KLHL14: variants seen among roughly 807,000 people sequenced by gnomAD.
KLHL14 encodes kelch like family member 14.
KLHL14 carries 22 observed loss-of-function variants against 64.3 expected under a neutral mutation model. The observed-to-expected ratio is 0.34, with a 90% confidence interval of 0.24 to 0.49. KLHL14 has a LOEUF of 0.49. KLHL14 is among the 20% of genes least tolerant of loss of function. KLHL14 has a pLI of 0.99. For missense variants in KLHL14, 661 were observed against 789.0 expected (o/e 0.84, Z 1.94); for synonymous variants, 322 against 333.4 (o/e 0.97, Z 0.37).
intron 3 of KLHL14, among the ~76,000 whole-genome samples, chr18:32,731,268 T>A (rs965595082): frequency 1.2e-4 from 18 of 152,256 alleles, no homozygotes; most frequent in African/African-American, 4.1e-4. Context: ...GTCTTTATTT[T>A]GATGGGGATA....
chr18:32,719,353 G>T (rs1326716917), intron 3 of KLHL14, among the ~76,000 whole-genome samples: 1 of 152,210 alleles, frequency 6.6e-6, no homozygotes, highest in Non-Finnish European at 1.5e-5. Flanking sequence ...TAAAACTTTA[G>T]AATTTTTGAA....
chr18:32,696,530 C>A (rs1229816960), intron 3 of KLHL14, among the ~76,000 whole-genome samples: 2 of 152,128 alleles, frequency 1.3e-5, no homozygotes, highest in Non-Finnish European at 2.9e-5. Context: ...CATATGGGCA[C>A]CTTAAATCTA....
At chr18:32,704,976 G>A (rs1362501983) in intron 3 of KLHL14, among the ~76,000 whole-genome samples, 2 of 152,172 alleles carry the variant, frequency 1.3e-5, no homozygotes, top group Non-Finnish European at 2.9e-5. Flanking sequence ...CAGTGAGAAA[G>A]TGAGGCTTAA....
rs544911670 is a variant in KLHL14, at chr18:32,724,190, G to A, written c.1069+17738C>T. On this transcript the variant is annotated intron_variant, in intron 3 of 8. Coordinates refer to ENST00000359358, the MANE Select transcript of KLHL14 (RefSeq NM_020805.3). ...AAGTCACAAATTCATCAATTATAGC[G>A]TGACCTTGACAGGTCACTTAACCGT... Among the ~76,000 whole-genome samples, 388 of 152,236 alleles carry A rather than the reference G, an allele frequency of 2.5e-3. 2 individuals carry two copies. Among genetic ancestry groups the A allele is most frequent in the African/African-American group, 8.5e-3 (355 of 41,538 alleles).
intron 3 of KLHL14, among the ~76,000 whole-genome samples, chr18:32,726,642 TA>T (rs1244089530): frequency 6.7e-6 from 1 of 150,062 alleles, no homozygotes; most frequent in African/African-American, 2.5e-5. Flanking sequence ...AATAAATAAA[TA>T]AAAATAAAAT....
intron 2 of KLHL14, among the ~76,000 whole-genome samples, chr18:32,745,828 T>A (rs1039519441): frequency 6.6e-6 from 1 of 152,258 alleles, no homozygotes; most frequent in African/African-American, 2.4e-5. Context: ...ATTTATTTGA[T>A]GTGTGTGAAC....
intron 1 of KLHL14, among the ~76,000 whole-genome samples, chr18:32,771,383 C>T (rs1027409348): frequency 7.2e-5 from 11 of 152,194 alleles, no homozygotes; most frequent in African/African-American, 2.2e-4. Context: ...TCAATTCGAG[C>T]TCATTTCCCT....
chr18:32,712,670 C>T (rs768271551), intron 3 of KLHL14, among the ~76,000 whole-genome samples: 1 of 152,110 alleles, frequency 6.6e-6, no homozygotes, highest in Non-Finnish European at 1.5e-5. Flanking sequence ...CTCTTTTTCC[C>T]TTTATATAAA....
At chr18:32,740,354 C>A (rs1319458659) in intron 3 of KLHL14, among the ~76,000 whole-genome samples, 1 of 152,184 alleles carries the variant, frequency 6.6e-6, no homozygotes, top group South Asian at 2.1e-4. Flanking sequence ...TTTAATTCAT[C>A]TTTTTGTCTT....
intron 4 of KLHL14, among the ~76,000 whole-genome samples, chr18:32,692,143 T>C (rs2144482280): frequency 6.6e-6 from 1 of 152,298 alleles, no homozygotes; most frequent in East Asian, 1.9e-4. Context: ...TATATCTGAG[T>C]AGAAAACCTT....
At chr18:32,679,842 G>A (rs1015651772) in intron 7 of KLHL14, among the ~76,000 whole-genome samples, 1 of 152,032 alleles carries the variant, frequency 6.6e-6, no homozygotes, top group Admixed American at 6.6e-5. Context: ...TACAACTTTG[G>A]TGATAAGAAA....
At chr18:32,732,379 A>T (rs1415536669) in intron 3 of KLHL14, among the ~76,000 whole-genome samples, 2 of 152,238 alleles carry the variant, frequency 1.3e-5, no homozygotes, top group African/African-American at 4.8e-5. Flanking sequence ...AATATCTTGC[A>T]TGTGACAAGA....
At chr18:32,705,566 T>C (rs2049986124) in intron 3 of KLHL14, among the ~76,000 whole-genome samples, 2 of 151,744 alleles carry the variant, frequency 1.3e-5, no homozygotes, top group Admixed American at 1.3e-4. Flanking sequence ...CTACTAAAAA[T>C]ACAAAAAGTA....
intron 2 of KLHL14, among the ~76,000 whole-genome samples, chr18:32,758,233 C>T (rs1477523036): frequency 6.6e-6 from 1 of 152,076 alleles, no homozygotes; most frequent in African/African-American, 2.4e-5. Context: ...AGCAGTTTTC[C>T]TGCCTCAGCC....
At chr18:32,742,546 T>A (rs2050204322) in intron 2 of KLHL14, among the ~76,000 whole-genome samples, 1 of 152,184 alleles carries the variant, frequency 6.6e-6, no homozygotes, top group African/African-American at 2.4e-5. Context: ...GTACAATTAG[T>A]AGCACAGGGC....
At chr18:32,730,702 G>A (rs1184583232) in intron 3 of KLHL14, among the ~76,000 whole-genome samples, 1 of 152,156 alleles carries the variant, frequency 6.6e-6, no homozygotes, top group Admixed American at 6.5e-5. Flanking sequence ...AAGTGAAAGT[G>A]ATACATCATT....
chr18:32,755,403 T>C (rs554857907), intron 2 of KLHL14, among the ~76,000 whole-genome samples: 1 of 152,188 alleles, frequency 6.6e-6, no homozygotes. Context: ...TATTCTCTAG[T>C]GCAAATTCTG....
chr18:32,685,137 C>T (rs367872193), intron 5 of KLHL14, among the ~76,000 whole-genome samples: 6 of 152,206 alleles, frequency 3.9e-5, no homozygotes, highest in African/African-American at 1.2e-4. Flanking sequence ...CGGTGGCTGC[C>T]GGGCGCCGAC....
rs1235971969 is a variant in KLHL14, at chr18:32,770,288, C to T, written c.304G>A (p.Glu102Lys). ...PSQQQQPPPQ[E>K]EPGTPSSSPD... ...GAGGAAGAAGGAGTCCCGGGCTCCT[C>T]CTGCGGCGGCGGCTGCTGCTGCTGT... is the stretch of plus-strand genomic sequence containing the variant. The change falls in exon 2 of 9, where the codon GAG becomes AAG. Residue 102 changes from glutamate (E) to lysine (K), a missense_variant. Transcript: ENST00000359358. The surrounding 1 kb of genome is among the most constrained non-coding windows in gnomAD (Gnocchi z 6.7). 6.3e-6 allele frequency: 10 copies of T among 1,588,044 alleles called. No individual in the cohort carries two copies. Among genetic ancestry groups the T allele is most frequent in the Non-Finnish European group, 8.6e-6 (10 of 1,166,894 alleles).
Sources: gnomAD v4.1 joint callset for allele counts (sites outside exome capture counted in the v4.1 genomes callset) on GRCh38, gnomAD v4.1.1 for gene constraint, Gnocchi (gnomAD v3.1) non-coding constraint, MANE v1.5 for transcripts, NCBI Gene and HGNC (gene_info 2026-07-23, HGNC 2026-07-21) for gene names.